Variants in EXOC4 observed in about 807,000 individuals in gnomAD.
EXOC4 encodes the protein exocyst complex component 4.
Under a neutral mutation model 107.2 loss-of-function variants are expected in EXOC4, and 71 were observed. That is an observed-to-expected ratio of 0.66 (90% CI 0.55 to 0.81). The LOEUF is 0.81. Ranked by LOEUF, EXOC4 falls within the 30% of genes least tolerant of loss-of-function variation. The probability of loss-of-function intolerance (pLI) is 0.00; values close to 1 mark genes in which losing one functional copy is unlikely to be tolerated. For synonymous variants in EXOC4, 456 were observed against 441.2 expected (o/e 1.03, Z -0.42); for missense variants, 1,108 against 1,189.6 (o/e 0.93, Z 1.01).
intron 13 of EXOC4, among the ~76,000 whole-genome samples, chr7:133,928,380 G>C (rs1007766209): frequency 5.3e-5 from 8 of 152,168 alleles, no homozygotes; most frequent in African/African-American, 1.9e-4. Flanking sequence ...CGTGCCTGCT[G>C]TAATCTTGGC....
chr7:133,382,004 A>G (rs2150702375), intron 7 of EXOC4, among the ~76,000 whole-genome samples: 1 of 152,270 alleles, frequency 6.6e-6, no homozygotes, highest in Admixed American at 6.5e-5. Context: ...ATGCACACTG[A>G]AGTTTGAGGA....
intron 11 of EXOC4, among the ~76,000 whole-genome samples, chr7:133,888,432 A>G (rs1397322749): frequency 6.6e-6 from 1 of 152,214 alleles, no homozygotes; most frequent in Admixed American, 6.5e-5. Context: ...AAGGATTCCA[A>G]GCTGCTCAGC....
At chr7:133,785,681 TG>T (rs56818076) in intron 10 of EXOC4, among the ~76,000 whole-genome samples, 126,169 of 148,082 alleles carry the variant, frequency 0.85, 53,842 homozygotes, top group East Asian at 0.98. Flanking sequence ...TTTTTGTTTT[TG>T]TTTTTTTTGA....
At chr7:133,823,248 GTCA>G (rs774746333) in intron 11 of EXOC4, among the ~76,000 whole-genome samples, 7 of 152,182 alleles carry the variant, frequency 4.6e-5, no homozygotes, top group Non-Finnish European at 1.0e-4. Flanking sequence ...ACACCACACT[GTCA>G]TCTCTTCCTC....
chr7:133,969,976 G>T (rs1801164266), intron 14 of EXOC4, among the ~76,000 whole-genome samples: 1 of 152,206 alleles, frequency 6.6e-6, no homozygotes, highest in Non-Finnish European at 1.5e-5. Flanking sequence ...CCTGTCCCAG[G>T]GAGATGGGAG....
intron 9 of EXOC4, among the ~76,000 whole-genome samples, chr7:133,490,811 A>C (rs1381913602): frequency 6.6e-6 from 1 of 152,210 alleles, no homozygotes; most frequent in African/African-American, 2.4e-5. Context: ...ATGTAATCAC[A>C]TACAGGATTT....
rs925767698 is a variant in EXOC4, at chr7:134,058,904, A to T, written c.2688-5387A>T. 3.3e-5 allele frequency among the ~76,000 whole-genome samples: 5 copies of T among 152,340 alleles called. No homozygotes were observed. The East Asian group carries it at 9.6e-4, about 29-fold the overall frequency. ...ATTTTCTCATATGTATAACGTAGAT[A>T]ATTGTAGTTCCTATTTAAAAGGATT... On this transcript the variant is annotated intron_variant, in intron 17 of 17. Transcript: ENST00000253861.
intron 11 of EXOC4, among the ~76,000 whole-genome samples, chr7:133,888,295 C>T (rs1349408703): frequency 6.6e-6 from 1 of 152,052 alleles, no homozygotes; most frequent in Non-Finnish European, 1.5e-5. Flanking sequence ...ATAAAAATGC[C>T]TTTGATTTAT....
intron 5 of EXOC4, among the ~76,000 whole-genome samples, chr7:133,326,639 A>T (rs577239025): frequency 7.2e-5 from 11 of 152,136 alleles, no homozygotes; most frequent in South Asian, 4.2e-4. Context: ...CCTCCCAGTT[A>T]GGCTACTCGG....
At chr7:134,092,567 A>G in the EXOC4 span, among the ~76,000 whole-genome samples, 1 of 152,204 alleles carries the variant, frequency 6.6e-6, no homozygotes, top group Admixed American at 6.5e-5. Context: ...AGCATTCTCA[A>G]AGAAAAGAAA....
chr7:133,498,849 C>T (rs1340107071), intron 9 of EXOC4, among the ~76,000 whole-genome samples: 1 of 152,144 alleles, frequency 6.6e-6, no homozygotes, highest in African/African-American at 2.4e-5. Context: ...AAAATCATAA[C>T]CTTGTGGGCT....
intron 9 of EXOC4, among the ~76,000 whole-genome samples, chr7:133,564,165 C>T (rs1039367547): frequency 5.9e-5 from 9 of 152,246 alleles, no homozygotes; most frequent in Non-Finnish European, 8.8e-5. Flanking sequence ...AATTGGCTCA[C>T]GGTTCTGCAG....
At chr7:134,094,683 T>C in the EXOC4 span, among the ~76,000 whole-genome samples, 91 of 151,928 alleles carry the variant, frequency 6.0e-4, no homozygotes, top group Non-Finnish European at 8.1e-4. Flanking sequence ...AATCATTAAA[T>C]GCAAATCAAC....
chr7:133,443,123 G>A (rs1419184042), intron 7 of EXOC4, among the ~76,000 whole-genome samples: 3 of 152,168 alleles, frequency 2.0e-5, no homozygotes, highest in African/African-American at 7.2e-5. Flanking sequence ...CCCTGTAGGG[G>A]TGGTGTTATA....
intron 9 of EXOC4, among the ~76,000 whole-genome samples, chr7:133,617,110 CATT>C (rs1384883628): frequency 6.6e-5 from 10 of 152,050 alleles, no homozygotes; most frequent in Non-Finnish European, 1.5e-4. Flanking sequence ...TATTATATAT[CATT>C]ATATTTCACT....
intron 12 of EXOC4, among the ~76,000 whole-genome samples, chr7:133,900,762 C>T (rs1585234792): frequency 6.6e-6 from 1 of 152,136 alleles, no homozygotes; most frequent in African/African-American, 2.4e-5. Context: ...CACTGATTGG[C>T]TATAGAAGAA....
At chr7:133,802,285 G>T (rs965652809) in intron 10 of EXOC4, among the ~76,000 whole-genome samples, 3 of 152,184 alleles carry the variant, frequency 2.0e-5, no homozygotes, top group African/African-American at 7.2e-5. Flanking sequence ...TGTCAAAACA[G>T]CCCCCAAAGC....
At chr7:133,449,435 A>C (rs1006710276) in intron 7 of EXOC4, among the ~76,000 whole-genome samples, 23 of 152,108 alleles carry the variant, frequency 1.5e-4, no homozygotes, top group African/African-American at 5.6e-4. Context: ...TCTCAAGAAC[A>C]CCTATGTTCT....
chr7:133,487,747 T>G (rs889907824), intron 9 of EXOC4, among the ~76,000 whole-genome samples: 13 of 152,166 alleles, frequency 8.5e-5, no homozygotes, highest in Non-Finnish European at 4.4e-5. Context: ...GAAATTTGTG[T>G]AAAAAGTTTT....
Sources: allele counts gnomAD v4.1 joint callset (sites outside exome capture counted in the v4.1 genomes callset), GRCh38; gene constraint gnomAD v4.1.1; transcripts MANE v1.5; gene names NCBI Gene and HGNC (gene_info 2026-07-23, HGNC 2026-07-21).